MTSS1: variants seen among roughly 807,000 people sequenced by gnomAD.
MTSS1 encodes the protein protein MTSS 1.
MTSS1 carries 18 observed loss-of-function variants against 79.0 expected under a neutral mutation model. The ratio of observed to expected loss-of-function variants is 0.23; its 90% CI spans 0.16 to 0.34. The LOEUF is 0.34. Among genes scored for constraint, MTSS1 ranks in the 10% least tolerant of loss-of-function variants. The probability of loss-of-function intolerance (pLI) is 1.00; values close to 1 mark genes in which losing one functional copy is unlikely to be tolerated. For missense variants in MTSS1, 815 were observed against 986.2 expected, an observed-to-expected ratio of 0.83 and a Z score of 2.33; for synonymous variants, 341 against 368.6, an observed-to-expected ratio of 0.93 and a Z score of 0.86.
chr8:124,612,008 T>A (rs930360903), intron 3 of MTSS1, among the ~76,000 whole-genome samples: 17 of 152,110 alleles, frequency 1.1e-4, no homozygotes, highest in Admixed American at 4.6e-4. Flanking sequence ...TCTACCAAGG[T>A]TCCCAATCAG....
intron 2 of MTSS1, among the ~76,000 whole-genome samples, chr8:124,700,278 A>G (rs1174284913): frequency 6.6e-6 from 1 of 152,216 alleles, no homozygotes; most frequent in Non-Finnish European, 1.5e-5. Context: ...TGGAGTAGGA[A>G]AGCAATATAT....
intron 7 of MTSS1, chr8:124,568,173 CG>C: frequency 1.4e-6 from 1 of 695,724 alleles, no homozygotes; most frequent in Non-Finnish European, 2.3e-6. Flanking sequence ...GACAAAGTAA[CG>C]GGGAACAAGT....
chr8:124,680,640 C>T (rs988187302), intron 3 of MTSS1, among the ~76,000 whole-genome samples: 1 of 152,224 alleles, frequency 6.6e-6, no homozygotes, highest in East Asian at 1.9e-4. Context: ...GTATTAAATA[C>T]TTCCATGATA....
At chr8:124,614,731 C>T (rs968998981) in intron 3 of MTSS1, among the ~76,000 whole-genome samples, 1 of 152,168 alleles carries the variant, frequency 6.6e-6, no homozygotes, top group Non-Finnish European at 1.5e-5. Flanking sequence ...AAGAAGTACC[C>T]AATTTCAACC....
intron 3 of MTSS1, among the ~76,000 whole-genome samples, chr8:124,601,459 G>A (rs1833798263): frequency 6.6e-6 from 1 of 152,202 alleles, no homozygotes; most frequent in South Asian, 2.1e-4. Context: ...ACAAAATCCA[G>A]GGCTCGGGAC....
intron 1 of MTSS1, among the ~76,000 whole-genome samples, chr8:124,714,064 T>C (rs375801053): frequency 1.3e-5 from 2 of 152,304 alleles, no homozygotes; most frequent in East Asian, 3.9e-4. Context: ...ATTTCCTTTA[T>C]GATTTCAGAT....
chr8:124,662,333 G>C (rs1039176214), intron 3 of MTSS1, among the ~76,000 whole-genome samples: 7 of 152,164 alleles, frequency 4.6e-5, no homozygotes, highest in Non-Finnish European at 2.9e-5. Context: ...GGAGCACCAA[G>C]AACAGTGATA....
At chr8:124,639,245 G>A (rs1817588071) in intron 3 of MTSS1, among the ~76,000 whole-genome samples, 2 of 152,138 alleles carry the variant, frequency 1.3e-5, no homozygotes, top group Non-Finnish European at 2.9e-5. Context: ...GGCTGCGGCA[G>A]GAGAATCGCT....
chr8:124,606,529 C>T (rs763810492), intron 3 of MTSS1, among the ~76,000 whole-genome samples: 1 of 152,148 alleles, frequency 6.6e-6, no homozygotes, highest in Non-Finnish European at 1.5e-5. Context: ...CAAGGTCACA[C>T]AGAATTCAGA....
intron 2 of MTSS1, among the ~76,000 whole-genome samples, chr8:124,702,157 C>T (rs987044767): frequency 1.3e-5 from 2 of 152,146 alleles, no homozygotes; most frequent in Non-Finnish European, 2.9e-5. Context: ...TTGGTCTACT[C>T]TGAAAGACTG....
intron 3 of MTSS1, among the ~76,000 whole-genome samples, chr8:124,639,537 C>T (rs1255162750): frequency 6.6e-6 from 1 of 152,012 alleles, no homozygotes; most frequent in African/African-American, 2.4e-5. Flanking sequence ...AGTGCAGTAG[C>T]ACTATCTTGG....
At chr8:124,628,697 T>C (rs1359330893) in intron 3 of MTSS1, among the ~76,000 whole-genome samples, 1 of 152,232 alleles carries the variant, frequency 6.6e-6, no homozygotes, top group Non-Finnish European at 1.5e-5. Flanking sequence ...ATAAGTTGCA[T>C]GGATTAAATG....
In MTSS1 at chr8:124,595,850, C is replaced by T. The variant is rs538124175; in HGVS notation, c.209-4615G>A. ...CAGCACCCATTCGCCCTCACATGAT[C>T]GGTCTAGGCCCATGATGCTAACTCC... On this transcript the variant is annotated intron_variant, in intron 3 of 13. Coordinates refer to ENST00000518547, the MANE Select transcript of MTSS1 (RefSeq NM_014751.6). Among the ~76,000 whole-genome samples the T allele has an allele frequency of 1.2e-4, 18 of 152,294 alleles. No homozygotes were observed. In the South Asian group the frequency reaches 2.3e-3, roughly 19 times the overall value.
chr8:124,688,176 G>A (rs1461804170), intron 3 of MTSS1, among the ~76,000 whole-genome samples: 7 of 152,194 alleles, frequency 4.6e-5, no homozygotes, highest in African/African-American at 1.2e-4. Context: ...GTACGTGTGC[G>A]TGTGTATGTA....
intron 6 of MTSS1, 70 bp from the exon 7 acceptor site, chr8:124,568,606 TG>T (rs766787750): frequency 6.3e-7 from 1 of 1,598,398 alleles, no homozygotes; most frequent in African/African-American, 1.3e-5. Context: ...CCCTCCTCCC[TG>T]GGGTCCTTGC....
intron 4 of MTSS1, among the ~76,000 whole-genome samples, 170 bp downstream of exon 4, chr8:124,590,981 G>A (rs1230895105): frequency 6.6e-6 from 1 of 151,628 alleles, no homozygotes; most frequent in Admixed American, 6.6e-5. Context: ...TGCACCCCCA[G>A]GGCCTCGACC....
At chr8:124,609,982 A>G (rs1835513909) in intron 3 of MTSS1, among the ~76,000 whole-genome samples, 1 of 152,192 alleles carries the variant, frequency 6.6e-6, no homozygotes, top group Admixed American at 6.5e-5. Flanking sequence ...CAACAGGGAC[A>G]GGAGATCTGG....
At chr8:124,568,078 C>T in intron 7 of MTSS1, 1 of 816,510 alleles carries the variant, frequency 1.2e-6, no homozygotes, top group African/African-American at 1.7e-5. Flanking sequence ...CAAGAACTTG[C>T]ATTTCTAGCC....
chr8:124,561,654 T>C (rs868568170), intron 10 of MTSS1, among the ~76,000 whole-genome samples: 2 of 152,166 alleles, frequency 1.3e-5, no homozygotes, highest in East Asian at 3.9e-4. Context: ...AATTTGTCAA[T>C]TAAACACACA....
Sources: gnomAD v4.1 joint callset for allele counts (sites outside exome capture counted in the v4.1 genomes callset) on GRCh38, gnomAD v4.1.1 for gene constraint, MANE v1.5 for transcripts, NCBI Gene and HGNC (gene_info 2026-07-23, HGNC 2026-07-21) for gene names.